The following GLI3 variants were observed in gnomAD, a reference collection of about 807,000 sequenced individuals.
The protein encoded by GLI3 is GLI family zinc finger 3.
GLI3 carries 20 observed loss-of-function variants against 100.8 expected under a neutral mutation model. The ratio of observed to expected loss-of-function variants is 0.20; its 90% CI spans 0.14 to 0.29. GLI3 has a LOEUF of 0.29. Among genes scored for constraint, GLI3 ranks in the 10% least tolerant of loss-of-function variants. The pLI is 1.00. For synonymous variants in GLI3, 938 were observed against 860.5 expected, an observed-to-expected ratio of 1.09 and a Z score of -1.58; for missense variants, 2,040 against 2,128.5, an observed-to-expected ratio of 0.96 and a Z score of 0.82.
chr7:42,137,981 C>T (rs1185194103), intron 3 of GLI3, among the ~76,000 whole-genome samples: 2 of 152,144 alleles, frequency 1.3e-5, no homozygotes, highest in East Asian at 3.9e-4. Flanking sequence ...TAGTCCTAAG[C>T]ATTTCAGATA....
At chr7:42,205,772 A>C (rs1047845245) in intron 2 of GLI3, among the ~76,000 whole-genome samples, 1 of 152,216 alleles carries the variant, frequency 6.6e-6, no homozygotes. Flanking sequence ...TTTTCTTATA[A>C]GTGACAGATT....
At chr7:42,108,394 A>G (rs1266928831) in intron 3 of GLI3, among the ~76,000 whole-genome samples, 1 of 152,184 alleles carries the variant, frequency 6.6e-6, no homozygotes, top group Non-Finnish European at 1.5e-5. Flanking sequence ...AATCTAACAG[A>G]TTAGAAAACT....
chr7:42,200,508 A>C (rs1269925216), intron 2 of GLI3, among the ~76,000 whole-genome samples: 1 of 152,192 alleles, frequency 6.6e-6, no homozygotes, highest in Non-Finnish European at 1.5e-5. Context: ...CACTATTTTA[A>C]AGTGCCTTTG....
chr7:41,992,540 C>T (rs1042154243), intron 10 of GLI3, among the ~76,000 whole-genome samples: 2 of 152,118 alleles, frequency 1.3e-5, no homozygotes, highest in Non-Finnish European at 2.9e-5. Flanking sequence ...AACTAAAAAA[C>T]ACCTACACAG....
intron 4 of GLI3, among the ~76,000 whole-genome samples, chr7:42,055,390 A>G (rs759601218): frequency 7.2e-4 from 110 of 151,996 alleles, no homozygotes; most frequent in Non-Finnish European, 2.2e-4. Flanking sequence ...TTAAGGTCTG[A>G]ATCAGCTGGC....
chr7:42,113,706 C>G (rs569545690), intron 3 of GLI3: 10 of 692,268 alleles, frequency 1.4e-5, no homozygotes, highest in South Asian at 1.3e-4. Flanking sequence ...TATAAAAATG[C>G]AGAATTTTGT....
intron 10 of GLI3, among the ~76,000 whole-genome samples, chr7:41,999,633 C>T (rs998282210): frequency 2.0e-5 from 3 of 152,144 alleles, no homozygotes; most frequent in East Asian, 1.9e-4. Flanking sequence ...TCTCATCTGT[C>T]GCCGATGGAT....
chr7:42,158,518 T>C (rs896236512), intron 2 of GLI3, among the ~76,000 whole-genome samples: 2 of 152,002 alleles, frequency 1.3e-5, no homozygotes, highest in Admixed American at 1.3e-4. Context: ...GGATGGACTT[T>C]CACTCTTGTT....
At chr7:41,983,760 G>A (rs1787737723) in intron 10 of GLI3, among the ~76,000 whole-genome samples, 1 of 152,096 alleles carries the variant, frequency 6.6e-6, no homozygotes, top group Non-Finnish European at 1.5e-5. Context: ...ACAGGGCCAG[G>A]ACATCAGGAC....
rs1441163982 is a variant in GLI3, at chr7:42,048,581, T to G, written c.589A>C (p.Ile197Leu). 6.2e-7 allele frequency: 1 copy of G among 1,611,900 alleles called. No individual in the cohort carries two copies. Among genetic ancestry groups the G allele is most frequent in the South Asian group, 1.1e-5 (1 of 90,950 alleles). ...CGGATATAGTCCATGTAGGGATTAATGTAGGGATGTGGAGGGCTGAAGGGA... is the reference window on the plus strand; with the variant it reads ...CGGATATAGTCCATGTAGGGATTAAGGTAGGGATGTGGAGGGCTGAAGGGA... ...ESPFSPPHPY[I>L]NPYMDYIRSL... is the part of the protein sequence containing the mutation. The change falls in exon 5 of 15, where the codon ATT (isoleucine) becomes CTT (leucine). Residue 197 changes from isoleucine to leucine, a missense_variant. By Grantham distance (5) the Ile-to-Leu change is conservative (BLOSUM62 2). This residue lies in a region of GLI3 where 603 missense variants were observed against 690.9 expected (regional missense o/e 0.87). Coordinates refer to ENST00000395925, the MANE Select transcript of GLI3 (RefSeq NM_000168.6).
intron 1 of GLI3, among the ~76,000 whole-genome samples, chr7:42,234,831 A>G (rs1040660675): frequency 6.6e-6 from 1 of 152,208 alleles, no homozygotes; most frequent in Non-Finnish European, 1.5e-5. Context: ...GGGAGTTTCT[A>G]ATTAAATAGC....
At chr7:42,053,366 G>A (rs1784390622) in intron 4 of GLI3, among the ~76,000 whole-genome samples, 2 of 152,182 alleles carry the variant, frequency 1.3e-5, no homozygotes, top group African/African-American at 2.4e-5. Flanking sequence ...TTATCAGGCA[G>A]ACGTGTGTTC....
intron 3 of GLI3, among the ~76,000 whole-genome samples, chr7:42,133,094 T>C (rs575377059): frequency 6.6e-6 from 1 of 152,330 alleles, no homozygotes; most frequent in African/African-American, 2.4e-5. Context: ...GAAATACTTT[T>C]TTTTAGAAAT....
chr7:42,024,278 C>T (rs1421993329), intron 9 of GLI3, among the ~76,000 whole-genome samples: 1 of 152,208 alleles, frequency 6.6e-6, no homozygotes, highest in Non-Finnish European at 1.5e-5. Context: ...AGCTTCACAG[C>T]AATGCCAATA....
At chr7:41,975,617 C>T (rs548459793) in intron 12 of GLI3, among the ~76,000 whole-genome samples, 1 of 152,196 alleles carries the variant, frequency 6.6e-6, no homozygotes, top group Admixed American at 6.5e-5. Context: ...AATCTTATAA[C>T]AAACACTCAA....
At chr7:42,041,842 A>G (rs570253286) in intron 6 of GLI3, among the ~76,000 whole-genome samples, 170 of 152,316 alleles carry the variant, frequency 1.1e-3, no homozygotes, top group African/African-American at 3.6e-3. Context: ...GAAATTTACT[A>G]AGTTAGTGCC....
intron 1 of GLI3, among the ~76,000 whole-genome samples, chr7:42,232,648 A>T (rs1788715853): frequency 6.6e-6 from 1 of 152,234 alleles, no homozygotes; most frequent in South Asian, 2.1e-4. Flanking sequence ...CAATGATGTA[A>T]GTATTTTCTT....
At chr7:42,183,257 C>T (rs945759742) in intron 2 of GLI3, among the ~76,000 whole-genome samples, 2 of 152,102 alleles carry the variant, frequency 1.3e-5, no homozygotes, top group African/African-American at 2.4e-5. Context: ...TTAATATTGA[C>T]GTTCTCATCC....
intron 3 of GLI3, among the ~76,000 whole-genome samples, chr7:42,084,095 A>AT (rs1785051573): frequency 6.6e-6 from 1 of 152,196 alleles, no homozygotes; most frequent in African/African-American, 2.4e-5. Context: ...CCACTACTCA[A>AT]ATAACAAGCT....
Sources: allele counts gnomAD v4.1 joint callset (sites outside exome capture counted in the v4.1 genomes callset), GRCh38; gene constraint gnomAD v4.1.1; regional missense constraint gnomAD v4.1.1; transcripts MANE v1.5; gene names NCBI Gene and HGNC (gene_info 2026-07-23, HGNC 2026-07-21).